The following N4BP2L2 variants were observed in gnomAD, a reference collection of about 807,000 sequenced individuals.
The protein encoded by N4BP2L2 is NEDD4-binding protein 2-like 2.
N4BP2L2 carries 50 observed loss-of-function variants against 56.2 expected under a neutral mutation model. The observed-to-expected ratio is 0.89, with a 90% confidence interval of 0.71 to 1.13. N4BP2L2 has a LOEUF of 1.13. Among genes scored for constraint, N4BP2L2 ranks in the 50% most tolerant of loss-of-function variants. The probability of loss-of-function intolerance (pLI) is 0.00; values close to 1 mark genes in which losing one functional copy is unlikely to be tolerated. For synonymous variants in N4BP2L2, 203 were observed against 223.6 expected, an observed-to-expected ratio of 0.91 and a Z score of 0.82; for missense variants, 689 against 693.8, an observed-to-expected ratio of 0.99 and a Z score of 0.08.
exon 6 of N4BP2L2, chr13:32,512,029 C>T (rs1202004764): frequency 1.3e-5 from 2 of 151,834 alleles, no homozygotes; most frequent in Non-Finnish European, 2.9e-5. Context: ...AAAATTAACA[C>T]CAAGAATAAA....
chr13:32,475,979 T>G (rs1207606785), intron 6 of N4BP2L2, among the ~76,000 whole-genome samples: 1 of 152,222 alleles, frequency 6.6e-6, no homozygotes, highest in Non-Finnish European at 1.5e-5. Context: ...AAATATTTCA[T>G]GCAATTCTGT....
intron 2 of N4BP2L2, among the ~76,000 whole-genome samples, chr13:32,533,658 T>G (rs1199717084): frequency 1.3e-5 from 2 of 151,756 alleles, no homozygotes; most frequent in Non-Finnish European, 2.9e-5. Flanking sequence ...TAGGCTGGTC[T>G]TGAATTCCTG....
downstream of N4BP2L2, chr13:32,509,450 T>C (rs1442752753): frequency 6.6e-6 from 1 of 152,232 alleles, no homozygotes; most frequent in African/African-American, 2.4e-5. Context: ...TACTGCTTCC[T>C]TCGTATCAAA....
intron 7 of N4BP2L2, among the ~76,000 whole-genome samples, chr13:32,440,476 AT>A (rs1013448722): frequency 9.3e-5 from 14 of 150,978 alleles, no homozygotes; most frequent in African/African-American, 2.2e-4. Context: ...TTAAGACAAA[AT>A]TTTTTTTTTG....
intron 2 of N4BP2L2, among the ~76,000 whole-genome samples, chr13:32,528,022 G>A (rs111368254): frequency 0.012 from 1,754 of 152,058 alleles, 42 homozygotes; most frequent in African/African-American, 0.039. Context: ...CACCTGCCTC[G>A]GCCTCCCAAA....
intron 5 of N4BP2L2, among the ~76,000 whole-genome samples, chr13:32,518,555 T>C (rs1275433104): frequency 6.6e-6 from 1 of 152,192 alleles, no homozygotes; most frequent in Non-Finnish European, 1.5e-5. Flanking sequence ...ATACATAATA[T>C]AAAGCTTTGA....
At chr13:32,510,400 T>C (rs1254957564) in exon 6 of N4BP2L2, 1 of 152,044 alleles carries the variant, frequency 6.6e-6, no homozygotes, top group Non-Finnish European at 1.5e-5. Context: ...ATGTAAATAA[T>C]TCAATGGAAA....
intron 6 of N4BP2L2, among the ~76,000 whole-genome samples, chr13:32,481,118 CAAAAAAAAA>C (rs60854435): frequency 2.6e-3 from 53 of 20,706 alleles, no homozygotes; most frequent in African/African-American, 9.1e-3. Context: ...GACTCTGTCT[CAAAAAAAAA>C]AAAAAAAAAA....
At chr13:32,522,102 G>T in intron 4 of N4BP2L2, 80 bp downstream of exon 4, 1 of 906,660 alleles carries the variant, frequency 1.1e-6, no homozygotes. Context: ...TAATAATCAA[G>T]ATCCAACCAG....
chr13:32,433,585 G>A (rs2075078619), intron 9 of N4BP2L2, among the ~76,000 whole-genome samples: 1 of 151,716 alleles, frequency 6.6e-6, no homozygotes, highest in African/African-American at 2.4e-5. Flanking sequence ...GTGAGCCACT[G>A]TACTCCAGCC....
intron 1 of N4BP2L2, among the ~76,000 whole-genome samples, chr13:32,537,924 G>C (rs927039215): frequency 6.6e-6 from 1 of 152,038 alleles, no homozygotes; most frequent in African/African-American, 2.4e-5. Flanking sequence ...CAATAAATTA[G>C]CCGGGCATGG....
chr13:32,503,639 A>G (rs1371205041), intron 6 of N4BP2L2, among the ~76,000 whole-genome samples: 1 of 152,270 alleles, frequency 6.6e-6, no homozygotes, highest in African/African-American at 2.4e-5. Flanking sequence ...TAGGCAGTGT[A>G]AAGGACAAAC....
intron 6 of N4BP2L2, chr13:32,446,298 A>G: frequency 8.3e-7 from 1 of 1,198,704 alleles, no homozygotes; most frequent in Non-Finnish European, 1.1e-6. Context: ...GCCTCTATAA[A>G]AAGGATATTG....
At chr13:32,500,907 T>C (rs2089891274) in intron 6 of N4BP2L2, among the ~76,000 whole-genome samples, 1 of 150,782 alleles carries the variant, frequency 6.6e-6, no homozygotes, top group South Asian at 2.1e-4. Context: ...CTCCCTCTGT[T>C]GCCCAGGCTA....
At chr13:32,498,950 T>C (rs975933856) in intron 6 of N4BP2L2, among the ~76,000 whole-genome samples, 10 of 132,750 alleles carry the variant, frequency 7.5e-5, no homozygotes, top group Middle Eastern at 4.8e-3. Context: ...GATTGTGCCA[T>C]TGCACTCCAG....
intron 7 of N4BP2L2, among the ~76,000 whole-genome samples, chr13:32,439,514 A>G (rs2075944896): frequency 6.6e-6 from 1 of 152,180 alleles, no homozygotes; most frequent in Non-Finnish European, 1.5e-5. Flanking sequence ...CCCTCTGAGG[A>G]GCCGATTAAA....
chr13:32,487,687 A>G (rs1370379932), intron 6 of N4BP2L2, among the ~76,000 whole-genome samples: 2 of 152,080 alleles, frequency 1.3e-5, no homozygotes, highest in East Asian at 3.8e-4. Flanking sequence ...AGAGGAAAAA[A>G]GAAAGAGGTT....
chr13:32,435,585 C>T (rs1320021231), intron 9 of N4BP2L2, among the ~76,000 whole-genome samples: 2 of 152,230 alleles, frequency 1.3e-5, no homozygotes, highest in East Asian at 3.9e-4. Flanking sequence ...TCTGGAATTC[C>T]TCATTGTCTC....
chr13:32,455,916 C>T lies in N4BP2L2; in HGVS notation c.366-11790G>A, dbSNP rs549061300. Among the ~76,000 whole-genome samples, 21 of 152,350 alleles carry T rather than the reference C, an allele frequency of 1.4e-4. 1 individual carries two copies. The South Asian group carries it at 4.1e-3, about 30-fold the overall frequency. Reference sequence around the variant, plus strand: ...CCCAGCTTGTCACAGCCAATGCTAACACAAACATATACTACTTCAGAGCCT... The same window carrying T: ...CCCAGCTTGTCACAGCCAATGCTAATACAAACATATACTACTTCAGAGCCT... On this transcript the variant is annotated intron_variant, in intron 6 of 9. Transcript: ENST00000357505.
Sources: allele counts gnomAD v4.1 joint callset (sites outside exome capture counted in the v4.1 genomes callset), GRCh38; gene constraint gnomAD v4.1.1; transcripts MANE v1.5; gene names NCBI Gene and HGNC (gene_info 2026-07-23, HGNC 2026-07-21).